RUFY3: variants seen among roughly 807,000 people sequenced by gnomAD.
RUFY3 encodes protein RUFY3.
RUFY3 carries 34 observed loss-of-function variants against 84.0 expected under a neutral mutation model. The observed-to-expected ratio is 0.40, with a 90% CI of 0.31 to 0.54. The LOEUF is 0.54. Ranked by LOEUF, RUFY3 falls within the 20% of genes least tolerant of loss-of-function variation. RUFY3 has a pLI of 0.39. For synonymous variants in RUFY3, 242 were observed against 252.9 expected, an observed-to-expected ratio of 0.96 and a Z score of 0.41; for missense variants, 507 against 736.8, an observed-to-expected ratio of 0.69 and a Z score of 3.61.
chr4:70,803,099 C>A, intron 16 of RUFY3, 116 bp downstream of exon 16: 1 of 706,718 alleles, frequency 1.4e-6, no homozygotes, highest in Non-Finnish European at 2.4e-6. Flanking sequence ...GTGTGCCATC[C>A]TTCTAACAAT....
chr4:70,806,455 T>A, intron 17 of RUFY3, 61 bp from the exon 18 acceptor site: 3 of 1,587,588 alleles, frequency 1.9e-6, no homozygotes, highest in South Asian at 2.3e-5. Flanking sequence ...GCTTTTTATA[T>A]CCCATGAATC....
At chr4:70,761,872 G>A (rs1200321174) in intron 1 of RUFY3, among the ~76,000 whole-genome samples, 1 of 152,050 alleles carries the variant, frequency 6.6e-6, no homozygotes, top group Non-Finnish European at 1.5e-5. Flanking sequence ...CCTACATTGG[G>A]GCTTTATTTT....
At chr4:70,745,125 T>C (rs1229075068) in intron 1 of RUFY3, among the ~76,000 whole-genome samples, 1 of 151,818 alleles carries the variant, frequency 6.6e-6, no homozygotes, top group Non-Finnish European at 1.5e-5. Context: ...TTGCATTTTT[T>C]AGTAGAGATG....
At chr4:70,747,850 A>G (rs1302364766) in intron 1 of RUFY3, among the ~76,000 whole-genome samples, 1 of 152,186 alleles carries the variant, frequency 6.6e-6, no homozygotes, top group Admixed American at 6.5e-5. Context: ...CCTTGTCTTT[A>G]AAAATAATAT....
chr4:70,747,146 C>A (rs1205538183), intron 1 of RUFY3, among the ~76,000 whole-genome samples: 2 of 152,114 alleles, frequency 1.3e-5, no homozygotes, highest in African/African-American at 4.8e-5. Context: ...AGAGAAAAAA[C>A]TTTTCCCAAG....
intron 1 of RUFY3, among the ~76,000 whole-genome samples, chr4:70,733,286 T>C (rs1719762065): frequency 6.6e-6 from 1 of 152,180 alleles, no homozygotes; most frequent in Non-Finnish European, 1.5e-5. Flanking sequence ...TGTATATTAT[T>C]TGGAAAATAT....
intron 1 of RUFY3, among the ~76,000 whole-genome samples, chr4:70,744,654 AT>A (rs112584509): frequency 0.017 from 2,238 of 128,138 alleles, 44 homozygotes; most frequent in African/African-American, 0.054. Context: ...CTTATTTTGA[AT>A]TTTTTTTTTT....
intron 15 of RUFY3, chr4:70,802,751 C>T (rs546061309): frequency 8.3e-5 from 38 of 457,174 alleles, no homozygotes; most frequent in Non-Finnish European, 1.4e-4. Flanking sequence ...AGTCAAGGGT[C>T]AGATTCTAGT....
chr4:70,722,900 C>A, intron 1 of RUFY3, 149 bp downstream of exon 1: 1 of 669,488 alleles, frequency 1.5e-6, no homozygotes. Flanking sequence ...CACCCAGCTC[C>A]CCTTCTCTTG....
At chr4:70,785,554 C>A (rs950041831) in intron 10 of RUFY3, among the ~76,000 whole-genome samples, 5 of 151,874 alleles carry the variant, frequency 3.3e-5, no homozygotes, top group African/African-American at 1.2e-4. Context: ...TCGGGCCAGG[C>A]ACAGTGGCTC....
At chr4:70,704,616 G>A (rs759571419), upstream of RUFY3, 89 of 207,344 alleles carry the variant, frequency 4.3e-4, no homozygotes, top group Non-Finnish European at 5.0e-4. Context: ...CGGAAGGTGG[G>A]GAGTGGGAAG....
chr4:70,781,855 C>T (rs1728981624), intron 8 of RUFY3, among the ~76,000 whole-genome samples: 1 of 152,146 alleles, frequency 6.6e-6, no homozygotes, highest in Non-Finnish European at 1.5e-5. Context: ...TCCTCTCGGC[C>T]TCATACAGGC....
chr4:70,753,450 G>A (rs73824884), intron 1 of RUFY3, among the ~76,000 whole-genome samples: 10,633 of 152,000 alleles, frequency 0.07, 586 homozygotes, highest in East Asian at 0.2. Context: ...CATGTATGTT[G>A]GTTGCCCTTG....
At chr4:70,719,747 A>C (rs1375563429), upstream of RUFY3, among the ~76,000 whole-genome samples, 1 of 152,162 alleles carries the variant, frequency 6.6e-6, no homozygotes, top group Non-Finnish European at 1.5e-5. Flanking sequence ...AAGGAATTGA[A>C]CTGAATTAAA....
At chr4:70,776,531 T>G (rs953384201) in intron 7 of RUFY3, among the ~76,000 whole-genome samples, 1 of 152,148 alleles carries the variant, frequency 6.6e-6, no homozygotes, top group South Asian at 2.1e-4. Flanking sequence ...TCCCAGCACT[T>G]TGGGAGGCCG....
intron 10 of RUFY3, 57 bp from the exon 11 acceptor site, chr4:70,788,749 G>A (rs1730321203): frequency 2.5e-6 from 4 of 1,587,128 alleles, no homozygotes; most frequent in Non-Finnish European, 3.4e-6. Flanking sequence ...GAAATATTAT[G>A]GTTTGTACTT....
intron 1 of RUFY3, among the ~76,000 whole-genome samples, chr4:70,711,375 G>A (rs922297793): frequency 4.6e-5 from 7 of 152,142 alleles, no homozygotes; most frequent in Non-Finnish European, 7.3e-5. Context: ...AACATATGAG[G>A]GAAATGGTCA....
chr4:70,797,809 C>G (rs1731717016), intron 14 of RUFY3, among the ~76,000 whole-genome samples: 1 of 151,948 alleles, frequency 6.6e-6, no homozygotes, highest in Non-Finnish European at 1.5e-5. Flanking sequence ...AGCCACTGCA[C>G]TCCAGCCTGG....
chr4:70,765,006 C>T (rs370685162), intron 4 of RUFY3, among the ~76,000 whole-genome samples: 12 of 151,756 alleles, frequency 7.9e-5, no homozygotes, highest in African/African-American at 2.7e-4. Context: ...GTCAATATGT[C>T]GAAACCCTAT....
Sources: gnomAD v4.1 joint callset for allele counts (sites outside exome capture counted in the v4.1 genomes callset) on GRCh38, gnomAD v4.1.1 for gene constraint, MANE v1.5 for transcripts, NCBI Gene and HGNC (gene_info 2026-07-23, HGNC 2026-07-21) for gene names.